Variants in ACAT1 observed in about 807,000 individuals in gnomAD.
The protein encoded by ACAT1 is acetyl-CoA acetyltransferase, mitochondrial.
ACAT1 carries 28 observed loss-of-function variants against 47.3 expected under a neutral mutation model. The observed-to-expected ratio is 0.59, with a 90% confidence interval of 0.44 to 0.81. ACAT1 has a LOEUF of 0.81. Ranked by LOEUF, ACAT1 falls within the 30% of genes least tolerant of loss-of-function variation. The pLI, the probability that ACAT1 is intolerant of heterozygous loss-of-function variation, is 0.00. For missense variants in ACAT1, 469 were observed against 524.3 expected (o/e 0.89, Z 1.03); for synonymous variants, 181 against 173.6 (o/e 1.04, Z -0.34).
At chr11:108,131,554 G>A (rs755623863) in intron 1 of ACAT1, among the ~76,000 whole-genome samples, 2 of 151,646 alleles carry the variant, frequency 1.3e-5, no homozygotes, top group African/African-American at 4.8e-5. Flanking sequence ...GTCTCACCAC[G>A]TTGTCCAGGC....
rs887368307 is a variant in ACAT1 at position 108,129,613 on chromosome 11, C to T, written c.73-2294C>T. ...TGAACTCCCGACCTCATTATCCGCC[C>T]GCCTCAGCCTCCTAAAGTGCTGGGA... On this transcript the variant is annotated intron_variant, in intron 1 of 11. Coordinates refer to ENST00000265838, the MANE Select transcript of ACAT1 (RefSeq NM_000019.4). Among the ~76,000 whole-genome samples, 7 of 152,122 alleles carry T rather than the reference C, an allele frequency of 4.6e-5. No individual in the cohort carries two copies. The South Asian group carries it at 8.3e-4, about 18-fold the overall frequency.
intron 6 of ACAT1, among the ~76,000 whole-genome samples, chr11:108,139,476 C>T (rs1162415184): frequency 6.6e-6 from 1 of 151,706 alleles, no homozygotes; most frequent in African/African-American, 2.4e-5. Context: ...TCTGTAATCC[C>T]AGCTACTCAG....
chr11:108,128,246 G>A (rs911304705), intron 1 of ACAT1, among the ~76,000 whole-genome samples: 7 of 152,168 alleles, frequency 4.6e-5, no homozygotes, highest in Non-Finnish European at 1.0e-4. Flanking sequence ...GTGAGGACAA[G>A]CAAATAGACA....
chr11:108,138,583 G>C (rs953411714), intron 5 of ACAT1: 2 of 351,820 alleles, frequency 5.7e-6, no homozygotes, highest in African/African-American at 4.3e-5. Context: ...TTTTAGTAGA[G>C]ACGGGGTTTC....
At chr11:108,132,463 T>G (rs995547920) in intron 2 of ACAT1, among the ~76,000 whole-genome samples, 1 of 152,150 alleles carries the variant, frequency 6.6e-6, no homozygotes, top group African/African-American at 2.4e-5. Flanking sequence ...GGAAGACAAG[T>G]GTAAGGAGAG....
rs1409696819 is a variant in ACAT1 at position 108,140,184 on chromosome 11, T to C, written c.699T>C (p.Asn233=). The part of the protein sequence containing the change: ...KAAWEAGKFG[N]EVIPVTVTVK... ...CATGGGAAGCTGGGAAATTTGGAAA[T>C]GAAGTTATTCCTGTCACAGTTACAG... Residue 233 remains asparagine (N), a synonymous_variant, in exon 7 of 12, where the codon AAT becomes AAC. Coordinates refer to ENST00000265838, the MANE Select transcript of ACAT1 (RefSeq NM_000019.4). The C allele has an allele frequency of 6.2e-7, 1 of 1,614,036 alleles. No individual in the cohort carries two copies. Among genetic ancestry groups the C allele is most frequent in the Non-Finnish European group, 8.5e-7 (1 of 1,180,020 alleles).
In ACAT1 at chr11:108,141,604, G is replaced by T; in HGVS notation, c.731-1G>T. ...TTTTACTTAAAATATTTTTATTTTAGGTCAACCAGATGTAGTGGTGAAAGA... is the reference window on the plus strand; with the variant it reads ...TTTTACTTAAAATATTTTTATTTTATGTCAACCAGATGTAGTGGTGAAAGA... On this transcript the variant is annotated splice_acceptor_variant, in intron 7 of 11. Coordinates refer to ENST00000265838, the MANE Select transcript of ACAT1 (RefSeq NM_000019.4). LOFTEE classifies it high-confidence loss of function. The T allele has an allele frequency of 6.2e-7, 1 of 1,609,080 alleles. No individual in the cohort carries two copies. Among genetic ancestry groups the T allele is most frequent in the South Asian group, 1.1e-5 (1 of 90,966 alleles).
intron 1 of ACAT1, among the ~76,000 whole-genome samples, chr11:108,125,345 C>CA (rs2077228495): frequency 7.2e-5 from 11 of 152,096 alleles, no homozygotes; most frequent in African/African-American, 2.4e-5. Context: ...GGTTCAGTGT[C>CA]CTGACCATAC....
rs185613183 is a variant in ACAT1, at chr11:108,147,255, C to G, written c.1164-15C>G. 5 of 1,613,250 alleles carry G rather than the reference C, an allele frequency of 3.1e-6. No individual in the cohort carries two copies. The South Asian group carries it at 5.5e-5, about 18-fold the overall frequency. On this transcript the variant is annotated splice_polypyrimidine_tract_variant and intron_variant, in intron 11 of 11. Transcript: ENST00000265838. ...CTGTACTTCATTAAAGAAGTAAATG[C>G]TTTCTTAATTTTAGGATGTCTGGAG...
chr11:108,141,556 G>C (rs373300665), intron 7 of ACAT1, 49 bp from the exon 8 acceptor site: 62 of 1,427,494 alleles, frequency 4.3e-5, no homozygotes, highest in Non-Finnish European at 6.0e-5. Context: ...GTTGCTTGCT[G>C]AATGACTACT....
rs114728153 is a variant in ACAT1, at chr11:108,147,569, T to G, written c.*179T>G. 2,688 of 857,896 alleles carry G rather than the reference T, an allele frequency of 3.1e-3. 57 individuals carry two copies. In the African/African-American group the frequency reaches 0.042, roughly 13 times the overall value. 53.1% of individuals were successfully genotyped at this position (857,896 alleles called of 1,614,324 possible). On this transcript the variant is annotated 3_prime_UTR_variant, in exon 12 of 12. Coordinates refer to ENST00000265838, the MANE Select transcript of ACAT1 (RefSeq NM_000019.4). Reference sequence around the variant, plus strand: ...AAACATTTTGAAATTAAAAATAAATTTCTTCTTCTGCTTTTTTCTTGGTAA... The same window carrying G: ...AAACATTTTGAAATTAAAAATAAATGTCTTCTTCTGCTTTTTTCTTGGTAA...
At chr11:108,141,726 G>GA in intron 8 of ACAT1, 26 bp downstream of exon 8, 1 of 1,544,260 alleles carries the variant, frequency 6.5e-7, no homozygotes, top group Non-Finnish European at 8.9e-7. Context: ...TGAAGCATAA[G>GA]AAAAAATTGA....
chr11:108,121,086 A>G (rs2077139956), upstream of ACAT1, among the ~76,000 whole-genome samples: 1 of 152,014 alleles, frequency 6.6e-6, no homozygotes, highest in Non-Finnish European at 1.5e-5. Flanking sequence ...CTGTAGTCTC[A>G]GCTACTGGGA....
At chr11:108,130,344 T>A (rs775458006) in intron 1 of ACAT1, among the ~76,000 whole-genome samples, 1 of 152,234 alleles carries the variant, frequency 6.6e-6, no homozygotes, top group African/African-American at 2.4e-5. Flanking sequence ...GTGACCGGCA[T>A]GTTTACTACA....
chr11:108,125,787 G>A (rs987437623), intron 1 of ACAT1, among the ~76,000 whole-genome samples: 9 of 151,966 alleles, frequency 5.9e-5, no homozygotes, highest in Admixed American at 2.6e-4. Flanking sequence ...TTAGCCAGGC[G>A]TGGTGGCGGG....
At chr11:108,144,412 C>T (rs1172074911) in intron 10 of ACAT1, among the ~76,000 whole-genome samples, 2 of 152,048 alleles carry the variant, frequency 1.3e-5, no homozygotes, top group African/African-American at 4.8e-5. Flanking sequence ...GAGAGGACTC[C>T]ATTCTGAAAG....
intron 8 of ACAT1, among the ~76,000 whole-genome samples, chr11:108,142,226 T>C (rs1301354632): frequency 1.3e-5 from 2 of 152,216 alleles, no homozygotes; most frequent in Non-Finnish European, 2.9e-5. Flanking sequence ...TTTGTGATGT[T>C]TGAGAAAACT....
intron 10 of ACAT1, 144 bp from the exon 11 acceptor site, chr11:108,146,058 C>A: frequency 2.6e-6 from 2 of 765,026 alleles, no homozygotes; most frequent in Non-Finnish European, 4.2e-6. Flanking sequence ...AAAAAAAAAT[C>A]TGAAAATAGA....
chr11:108,146,046 A>G, intron 10 of ACAT1, 156 bp from the exon 11 acceptor site: 80 of 466,774 alleles, frequency 1.7e-4, no homozygotes, highest in Non-Finnish European at 2.1e-4. Context: ...GACTGTTGGA[A>G]AAAAAAAAAA....
Sources: gnomAD v4.1 joint callset for allele counts (sites outside exome capture counted in the v4.1 genomes callset) on GRCh38, gnomAD v4.1.1 for gene constraint, MANE v1.5 for transcripts, NCBI Gene and HGNC (gene_info 2026-07-23, HGNC 2026-07-21) for gene names.